Variants in C11orf65 observed in about 807,000 individuals in gnomAD.
C11orf65 encodes the protein protein MFI.
Under a neutral mutation model 35.3 loss-of-function variants are expected in C11orf65, and 38 were observed. The ratio of observed to expected loss-of-function variants is 1.08; its 90% CI spans 0.83 to 1.41. The LOEUF is 1.41. C11orf65 is among the 40% of genes most tolerant of loss of function. The probability of loss-of-function intolerance (pLI) is 0.00; values close to 1 mark genes in which losing one functional copy is unlikely to be tolerated. For synonymous variants in C11orf65, 105 were observed against 114.4 expected, an observed-to-expected ratio of 0.92 and a Z score of 0.53; for missense variants, 370 against 367.1, an observed-to-expected ratio of 1.01 and a Z score of -0.06.
intron 2 of C11orf65, among the ~76,000 whole-genome samples, chr11:108,447,720 A>G (rs1591584214): frequency 6.6e-6 from 1 of 152,166 alleles, no homozygotes; most frequent in East Asian, 1.9e-4. Context: ...TCACAATTAA[A>G]ACAACTAGAA....
chr11:108,407,944 A>AG (rs2092575894), intron 3 of C11orf65, among the ~76,000 whole-genome samples: 1 of 140,360 alleles, frequency 7.1e-6, no homozygotes, highest in African/African-American at 2.6e-5. Flanking sequence ...AAAAAAAAAA[A>AG]AAAAAAAAGA....
chr11:108,440,332 A>T (rs2093131269), intron 2 of C11orf65, among the ~76,000 whole-genome samples: 1 of 152,166 alleles, frequency 6.6e-6, no homozygotes, highest in Non-Finnish European at 1.5e-5. Context: ...TGGGTTACGA[A>T]TTCTGGTAGG....
Position 108,348,967 on chromosome 11 carries a change from G to A in C11orf65, c.227-13675C>T, listed in dbSNP as rs559081362. Among the ~76,000 whole-genome samples, 239 of 152,222 alleles carry A rather than the reference G, an allele frequency of 1.6e-3. 1 individual carries two copies. Among genetic ancestry groups the A allele is most frequent in the Non-Finnish European group, 2.6e-3 (176 of 67,994 alleles). ...TGCAACTCAGAATGTAGAAAAAGAA[G>A]TGTGAATGTAATGACGGAGATCCAG... On this transcript the variant is annotated intron_variant, in intron 2 of 3. Coordinates refer to the C11orf65 transcript ENST00000524755.
chr11:108,379,135 C>T (rs565187976), downstream of C11orf65, among the ~76,000 whole-genome samples: 33 of 151,970 alleles, frequency 2.2e-4, no homozygotes, highest in African/African-American at 7.5e-4. Flanking sequence ...GGGTATATAC[C>T]CAAAGGACTA....
chr11:108,325,440 A>T lies in C11orf65; in HGVS notation c.641-16369T>A, dbSNP rs768791795. On this transcript the variant is annotated intron_variant, in intron 6 of 6. Transcript: ENST00000525729. ...ACGCACAGTCATTTTGGAGATCCTGATGGAAAAGGAAATGGACAACTCACA... is the reference window on the plus strand; with the variant it reads ...ACGCACAGTCATTTTGGAGATCCTGTTGGAAAAGGAAATGGACAACTCACA... 1 of 1,613,602 alleles carries T rather than the reference A, an allele frequency of 6.2e-7. No individual in the cohort carries two copies. The highest frequency in any genetic ancestry group is 8.5e-7 in the Non-Finnish European group (1 of 1,179,852).
downstream of C11orf65, among the ~76,000 whole-genome samples, chr11:108,379,191 C>G (rs1012426939): frequency 3.6e-4 from 54 of 152,034 alleles, no homozygotes; most frequent in South Asian, 1.0e-3. Context: ...TGTTTATTGC[C>G]GCACTATTCA....
chr11:108,312,498 G>T lies in C11orf65; in HGVS notation c.641-3427C>A. 6.5e-7 allele frequency: 1 copy of T among 1,549,278 alleles called. No homozygotes were observed. Among genetic ancestry groups the T allele is most frequent in the South Asian group, 1.1e-5 (1 of 89,662 alleles). On this transcript the variant is annotated intron_variant, in intron 6 of 6. Transcript: ENST00000525729. ...AAGAAGAAACTGGAATAAGTTTACA[G>T]GTAAATATTAGAGGCTCTATTATTT...
chr11:108,367,522 G>A (rs939682310), intron 2 of C11orf65: 16 of 204,370 alleles, frequency 7.8e-5, no homozygotes, highest in African/African-American at 1.8e-4. Context: ...CTACTGACTC[G>A]TGTATTAGTG....
At chr11:108,397,404 T>C (rs1463636732) in intron 6 of C11orf65, among the ~76,000 whole-genome samples, 1 of 152,192 alleles carries the variant, frequency 6.6e-6, no homozygotes, top group East Asian at 1.9e-4. Context: ...AACATGATCT[T>C]ATATTCTTTC....
chr11:108,452,611 AACCAGAAATACCATTTGAGCCAGCCAT>A (rs2093363115), intron 2 of C11orf65, among the ~76,000 whole-genome samples: 3 of 152,222 alleles, frequency 2.0e-5, no homozygotes, highest in Non-Finnish European at 4.4e-5. Flanking sequence ...AAGGATCTAG[AACCAGAAATACCATTTGAGCCAGCCAT>A]CCCATTACTG....
chr11:108,361,748 G>T (rs184472), intron 2 of C11orf65, among the ~76,000 whole-genome samples: 78,710 of 150,840 alleles, frequency 0.52, 21,371 homozygotes, highest in Middle Eastern at 0.73. Flanking sequence ...TAGCCATATG[G>T]AGAAAGCTGA....
chr11:108,343,463 CTTTAA>C lies in C11orf65; in HGVS notation c.227-8176_227-8172del, dbSNP rs2087866641. ...TCAGATATTATAGAATACAAAAAAA[CTTTAA>C]TTTCATCAGGTAATTGTCAAAGATA... is the stretch of plus-strand genomic sequence containing the variant. On this transcript the variant is annotated intron_variant, in intron 2 of 3. Coordinates refer to the C11orf65 transcript ENST00000524755. 36 of 1,482,682 alleles carry C rather than the reference CTTTAA, an allele frequency of 2.4e-5. No homozygotes were observed. The East Asian group carries it at 7.9e-4, about 33-fold the overall frequency. 91.8% of individuals were successfully genotyped at this position (1,482,682 alleles called of 1,614,324 possible).
At chr11:108,440,377 G>A (rs1565699118) in intron 2 of C11orf65, among the ~76,000 whole-genome samples, 1 of 152,194 alleles carries the variant, frequency 6.6e-6, no homozygotes, top group Non-Finnish European at 1.5e-5. Context: ...TCTCCACAAT[G>A]ACTGAGGCTT....
intron 2 of C11orf65, among the ~76,000 whole-genome samples, chr11:108,445,836 G>A (rs1024694684): frequency 3.3e-5 from 5 of 152,074 alleles, no homozygotes; most frequent in African/African-American, 1.2e-4. Flanking sequence ...GCTACAGGAG[G>A]AAATTCAAAC....
chr11:108,395,941 T>C (rs757619924), intron 6 of C11orf65, among the ~76,000 whole-genome samples: 14 of 151,612 alleles, frequency 9.2e-5, no homozygotes, highest in Middle Eastern at 3.4e-3. Context: ...AAAATAATAA[T>C]AATAAAAAAA....
intron 8 of C11orf65, among the ~76,000 whole-genome samples, chr11:108,384,027 T>C (rs1337617953): frequency 5.3e-5 from 8 of 152,154 alleles, no homozygotes; most frequent in Non-Finnish European, 8.8e-5. Context: ...CATGCCCTGC[T>C]GACATTTTAT....
Position 108,365,731 on chromosome 11 carries a change from G to A in C11orf65, c.226+27477C>T, listed in dbSNP as rs536067082. On this transcript the variant is annotated intron_variant, in intron 2 of 3. Transcript: ENST00000524755. Reference sequence around the variant, plus strand: ...CACTCTTTAGAAATAATGGTCATTCGGGCTGGGCGCAGCGGCTCACGCCTG... The same window carrying A: ...CACTCTTTAGAAATAATGGTCATTCAGGCTGGGCGCAGCGGCTCACGCCTG... 119 of 627,122 alleles carry A rather than the reference G, an allele frequency of 1.9e-4. No individual in the cohort carries two copies. The highest frequency in any genetic ancestry group is 4.6e-4 in the Middle Eastern group (1 of 2,182). 38.8% of individuals were successfully genotyped at this position (627,122 alleles called of 1,614,324 possible).
At chr11:108,362,287 A>T (rs2090860499) in intron 2 of C11orf65, among the ~76,000 whole-genome samples, 1 of 150,758 alleles carries the variant, frequency 6.6e-6, no homozygotes, top group Admixed American at 6.7e-5. Flanking sequence ...GTCATTAAAA[A>T]GTCAGGAAAC....
chr11:108,328,397 C>T (rs2085905957), downstream of C11orf65, among the ~76,000 whole-genome samples: 1 of 152,164 alleles, frequency 6.6e-6, no homozygotes, highest in Non-Finnish European at 1.5e-5. Context: ...CAGGAGTGTG[C>T]CACCACACCC....
Sources: gnomAD v4.1 joint callset for allele counts (sites outside exome capture counted in the v4.1 genomes callset) on GRCh38, gnomAD v4.1.1 for gene constraint, MANE v1.5 for transcripts, NCBI Gene and HGNC (gene_info 2026-07-23, HGNC 2026-07-21) for gene names.